The following PIBF1 variants were observed in gnomAD, a reference collection of about 807,000 sequenced individuals.
PIBF1 encodes the protein progesterone-induced-blocking factor 1.
PIBF1 carries 90 observed loss-of-function variants against 112.5 expected under a neutral mutation model. The ratio of observed to expected loss-of-function variants is 0.80; its 90% CI spans 0.67 to 0.95. The LOEUF (loss-of-function observed/expected upper bound fraction) is 0.95. Among genes scored for constraint, PIBF1 ranks in the 40% least tolerant of loss-of-function variants. The probability of loss-of-function intolerance (pLI) is 0.00; values close to 1 mark genes in which losing one functional copy is unlikely to be tolerated. For missense variants in PIBF1, 915 were observed against 852.3 expected (o/e 1.07, Z -0.92); for synonymous variants, 301 against 288.6 (o/e 1.04, Z -0.44).
At chr13:72,955,600 TAC>T (rs2042424323) in intron 14 of PIBF1, among the ~76,000 whole-genome samples, 6 of 152,026 alleles carry the variant, frequency 3.9e-5, no homozygotes, top group Admixed American at 2.0e-4. Flanking sequence ...AAATTCTTTA[TAC>T]ACACACATAC....
intron 10 of PIBF1, among the ~76,000 whole-genome samples, chr13:72,876,235 A>G (rs77228775): frequency 1.5e-5 from 2 of 133,958 alleles, no homozygotes; most frequent in East Asian, 4.8e-4. Flanking sequence ...TTTTTGTCAA[A>G]CATCAGTTGA....
At chr13:72,853,962 G>A in intron 9 of PIBF1, 95 bp from the exon 10 acceptor site, 1 of 957,420 alleles carries the variant, frequency 1.0e-6, no homozygotes, top group East Asian at 2.6e-5. Flanking sequence ...CAACTTCTCA[G>A]ATGGGTCCTT....
chr13:72,797,987 A>G lies in PIBF1; in HGVS notation c.633A>G (p.Glu211=). The G allele has an allele frequency of 6.2e-7, 1 of 1,608,336 alleles. No individual in the cohort carries two copies. The highest frequency in any genetic ancestry group is 8.5e-7 in the Non-Finnish European group (1 of 1,177,796). Residue 211 remains glutamate, a synonymous_variant, in exon 5 of 18, where the codon GAA becomes GAG. Transcript: ENST00000326291. ...LQVKKNILAE[E]LSTNKNQLKQ... ...TGAAAAAGAATATCCTAGCAGAAGA[A>G]TTAAGTACAAACAAAAACCAACTGA...
chr13:72,983,512 C>T (rs1214970340), intron 16 of PIBF1, among the ~76,000 whole-genome samples: 1 of 152,148 alleles, frequency 6.6e-6, no homozygotes, highest in Admixed American at 6.6e-5. Context: ...TAACTTTCTT[C>T]TTACAGCAGT....
chr13:72,892,555 A>G (rs959279785), intron 10 of PIBF1, among the ~76,000 whole-genome samples: 16 of 152,146 alleles, frequency 1.1e-4, no homozygotes, highest in Non-Finnish European at 1.5e-4. Flanking sequence ...GAAGTCTAAT[A>G]TAAAATTGGG....
intron 12 of PIBF1, among the ~76,000 whole-genome samples, chr13:72,911,208 A>C (rs959939079): frequency 6.6e-6 from 1 of 152,136 alleles, no homozygotes; most frequent in African/African-American, 2.4e-5. Flanking sequence ...AAAAAGAACA[A>C]ATTGGAAGAA....
chr13:72,882,260 C>T (rs938735455), intron 10 of PIBF1, among the ~76,000 whole-genome samples: 14 of 152,030 alleles, frequency 9.2e-5, no homozygotes, highest in African/African-American at 3.4e-4. Flanking sequence ...AAAATTAGAC[C>T]CCTATCTCTT....
intron 16 of PIBF1, among the ~76,000 whole-genome samples, chr13:72,975,628 G>A (rs1475765995): frequency 1.3e-5 from 2 of 152,126 alleles, no homozygotes; most frequent in Non-Finnish European, 2.9e-5. Context: ...AGTGTCCCAG[G>A]ACTAGATTGT....
intron 10 of PIBF1, among the ~76,000 whole-genome samples, chr13:72,884,239 G>T (rs146466478): frequency 1.3e-5 from 2 of 152,028 alleles, no homozygotes; most frequent in African/African-American, 4.8e-5. Flanking sequence ...CCTTTCCTTC[G>T]TATTGGTCTC....
chr13:72,962,703 T>A (rs2042638432), intron 14 of PIBF1, among the ~76,000 whole-genome samples: 1 of 152,156 alleles, frequency 6.6e-6, no homozygotes, highest in African/African-American at 2.4e-5. Flanking sequence ...ATGATAATAC[T>A]ACCCAAAACA....
intron 17 of PIBF1, among the ~76,000 whole-genome samples, chr13:73,006,962 A>G (rs2044050388): frequency 6.6e-6 from 1 of 151,842 alleles, no homozygotes; most frequent in Non-Finnish European, 1.5e-5. Flanking sequence ...AGGGCCTGTT[A>G]ATACTCCACT....
intron 16 of PIBF1, among the ~76,000 whole-genome samples, chr13:72,990,143 GAC>G: frequency 6.9e-6 from 1 of 145,910 alleles, no homozygotes. Flanking sequence ...GAACCCAGGA[GAC>G]AGAGGTTGCA....
At chr13:73,011,785 A>G (rs1406140275) in intron 17 of PIBF1, among the ~76,000 whole-genome samples, 2 of 152,208 alleles carry the variant, frequency 1.3e-5, no homozygotes, top group African/African-American at 4.8e-5. Context: ...ATGTCCAGTT[A>G]TCAGGAAAAA....
In PIBF1 at chr13:72,853,146, A is replaced by C. The variant is rs182926913; in HGVS notation, c.1224-911A>C. 2.4e-3 allele frequency among the ~76,000 whole-genome samples: 369 copies of C among 151,944 alleles called. 1 individual carries two copies. Among genetic ancestry groups the C allele is most frequent in the African/African-American group, 8.3e-3 (345 of 41,422 alleles). On this transcript the variant is annotated intron_variant, in intron 9 of 17. Coordinates refer to ENST00000326291, the MANE Select transcript of PIBF1 (RefSeq NM_006346.4). ...AGTTTCATCTTGATTAAAAGGCAAA[A>C]GTTTTGATCTTTGGAAGCTCATGGC...
chr13:72,916,414 A>ATATATATATT (rs367708260), intron 12 of PIBF1, among the ~76,000 whole-genome samples: 1 of 148,950 alleles, frequency 6.7e-6, no homozygotes, highest in African/African-American at 2.5e-5. Flanking sequence ...ATATATATAT[A>ATATATATATT]TTTTTTTAAT....
In PIBF1 at chr13:73,011,584, C is replaced by G. The variant is rs546417881; in HGVS notation, c.2224-4285C>G. On this transcript the variant is annotated intron_variant, in intron 17 of 17. Coordinates refer to ENST00000326291, the MANE Select transcript of PIBF1 (RefSeq NM_006346.4). ...AAACTCAATACCCAATCCAGCCCAC[C>G]TAGCCATCATGGCCCACCTAAGAAG... is the stretch of plus-strand genomic sequence containing the variant. 5.1e-4 allele frequency among the ~76,000 whole-genome samples: 77 copies of G among 152,226 alleles called. No homozygotes were observed. In the Middle Eastern group the frequency reaches 0.014, roughly 27 times the overall value.
At position 72,863,467 on chromosome 13, in the gene PIBF1, C is replaced by T. The variant is rs904343700; in HGVS notation, c.1322+9312C>T. On this transcript the variant is annotated intron_variant, in intron 10 of 17. Coordinates refer to ENST00000326291, the MANE Select transcript of PIBF1 (RefSeq NM_006346.4). ...GAGATTGAGACCATCCTGGCTAACACGGTGAAACCCCATCTCTACTAAAAA... is the reference window on the plus strand; with the variant it reads ...GAGATTGAGACCATCCTGGCTAACATGGTGAAACCCCATCTCTACTAAAAA... Among the ~76,000 whole-genome samples, 4 of 150,448 alleles carry T rather than the reference C, an allele frequency of 2.7e-5. No individual in the cohort carries two copies. The East Asian group carries it at 5.9e-4, about 22-fold the overall frequency.
chr13:72,972,458 A>G (rs1413782738), intron 15 of PIBF1, among the ~76,000 whole-genome samples: 1 of 152,132 alleles, frequency 6.6e-6, no homozygotes, highest in Non-Finnish European at 1.5e-5. Context: ...GAGGTCAGGA[A>G]TTCGAGACCA....
rs759072223 is a variant in PIBF1, at chr13:72,809,576, AGGTTTTTTTTT to A, written c.672+11562_672+11572del. On this transcript the variant is annotated intron_variant, in intron 5 of 17. Transcript: ENST00000326291. ...AAAACTGTTTAAGAAATTTAATAGA[AGGTTTTTTTTT>A]GGTTTTTTTTTTTTTTTTTTTGGAG... 5.6e-4 allele frequency among the ~76,000 whole-genome samples: 82 copies of A among 145,540 alleles called. 1 individual carries two copies. The highest frequency in any genetic ancestry group is 8.4e-4 in the Non-Finnish European group (55 of 65,738).
Sources: allele counts gnomAD v4.1 joint callset (sites outside exome capture counted in the v4.1 genomes callset), GRCh38; gene constraint gnomAD v4.1.1; transcripts MANE v1.5; gene names NCBI Gene and HGNC (gene_info 2026-07-23, HGNC 2026-07-21).